CACUL1: variants seen among roughly 807,000 people sequenced by gnomAD.
CACUL1 encodes the protein CDK2 associated cullin domain 1.
Under a neutral mutation model 45.2 loss-of-function variants are expected in CACUL1, and 13 were observed. The observed-to-expected ratio is 0.29, with a 90% confidence interval of 0.19 to 0.46. The LOEUF (loss-of-function observed/expected upper bound fraction) is 0.46. Ranked by LOEUF, CACUL1 falls within the 20% of genes least tolerant of loss-of-function variation. The pLI, the probability that CACUL1 is intolerant of heterozygous loss-of-function variation, is 1.00. For missense variants in CACUL1, 421 were observed against 471.4 expected (o/e 0.89, Z 0.99); for synonymous variants, 197 against 174.2 (o/e 1.13, Z -1.03).
At chr10:118,686,517 A>T (rs1845207689) in intron 8 of CACUL1, 81 bp downstream of exon 8, 6 of 1,076,152 alleles carry the variant, frequency 5.6e-6, no homozygotes, top group Non-Finnish European at 8.7e-6. Context: ...CATCAAATTC[A>T]ATGCACTGTT....
At chr10:118,738,031 C>A (rs1845755414) in intron 1 of CACUL1, among the ~76,000 whole-genome samples, 2 of 152,198 alleles carry the variant, frequency 1.3e-5, no homozygotes, top group Admixed American at 6.5e-5. Flanking sequence ...ATGGTGTCTT[C>A]CAAGATTTAA....
At chr10:118,736,199 G>A (rs1845739192) in intron 1 of CACUL1, among the ~76,000 whole-genome samples, 1 of 152,056 alleles carries the variant, frequency 6.6e-6, no homozygotes, top group Non-Finnish European at 1.5e-5. Flanking sequence ...AGTATAAGAA[G>A]TAAAAGCCAT....
In CACUL1 at chr10:118,680,910, T is replaced by C. The variant is rs910589722; in HGVS notation, c.*5218A>G. On this transcript the variant is annotated 3_prime_UTR_variant, in exon 9 of 9. Transcript: ENST00000369151. ...AAGCAAAATCAAATATTCTATATTA[T>C]AACAAAGTTCCAGTGAACCAGGTAT... The C allele has an allele frequency of 1.3e-5, 2 of 152,218 alleles. No homozygotes were observed. The highest frequency in any genetic ancestry group is 2.1e-4 in the South Asian group (1 of 4,832). 9.4% of individuals were successfully genotyped at this position (152,218 alleles called of 1,614,324 possible).
chr10:118,729,254 A>C, intron 3 of CACUL1, 41 bp downstream of exon 3: 23 of 1,428,924 alleles, frequency 1.6e-5, no homozygotes, highest in East Asian at 2.3e-5. Flanking sequence ...ACCAGTCAGG[A>C]AAACCCAAGG....
At chr10:118,701,532 ACATC>A (rs1845380023) in intron 4 of CACUL1, 124 bp from the exon 5 acceptor site, 1 of 478,996 alleles carries the variant, frequency 2.1e-6, no homozygotes, top group South Asian at 4.3e-5. Context: ...GAAAAACTCA[ACATC>A]CAACAACAAA....
rs1390096008 is a variant in CACUL1, at chr10:118,754,451, G to T, written c.312C>A (p.Ala104=). The T allele has an allele frequency of 9.4e-6, 15 of 1,591,782 alleles. No individual in the cohort carries two copies. Among genetic ancestry groups the T allele is most frequent in the Non-Finnish European group, 1.3e-5 (15 of 1,170,038 alleles). ...TGGTGGAGCTGGCGGTGGGGGCGGG[G>T]GCCGCCTTGGCCACGGCGGCGGCCG... ...CDAAAAVAKA[A]PAPTASSTIN... Residue 104 remains alanine, a synonymous_variant, in exon 1 of 9, where the codon GCC becomes GCA. Coordinates refer to ENST00000369151, the MANE Select transcript of CACUL1 (RefSeq NM_153810.5).
intron 3 of CACUL1, among the ~76,000 whole-genome samples, chr10:118,712,960 C>T (rs1382047622): frequency 6.6e-6 from 1 of 152,226 alleles, no homozygotes; most frequent in East Asian, 1.9e-4. Flanking sequence ...AAGGTGGAGG[C>T]CTCACTGGGG....
chr10:118,754,596 T>A lies in CACUL1; in HGVS notation c.167A>T (p.Gln56Leu). The change falls in exon 1 of 9, where the codon CAG (glutamine) becomes CTG (leucine). Residue 56 changes from glutamine (Q) to leucine (L), a missense_variant. Transcript: ENST00000369151. ...PAPAREPPGG[Q>L]LLAVPAVSVD... is the part of the protein sequence containing the mutation. ...GGAGACCGCGGGCACCGCCAGCAGCTGCCCCCCCGGAGGCTCTCGGGCAGG... is the reference window on the plus strand; with the variant it reads ...GGAGACCGCGGGCACCGCCAGCAGCAGCCCCCCCGGAGGCTCTCGGGCAGG... 6.2e-7 allele frequency: 1 copy of A among 1,608,704 alleles called. No individual in the cohort carries two copies. Among genetic ancestry groups the A allele is most frequent in the Non-Finnish European group, 8.5e-7 (1 of 1,177,828 alleles).
rs149362224 is a variant in CACUL1, at chr10:118,688,531, C to T, written c.1026-1890G>A. Among the ~76,000 whole-genome samples the T allele has an allele frequency of 6.9e-3, 1,050 of 151,822 alleles. 9 individuals carry two copies. The highest frequency in any genetic ancestry group is 0.034 in the Middle Eastern group (10 of 294). ...CAACTGGAGGCAGGAAAAGGAGTAT[C>T]AATGTGATTTATGCAAGAGGCTGCT... On this transcript the variant is annotated intron_variant, in intron 7 of 8. Transcript: ENST00000369151.
At chr10:118,713,103 T>C (rs193093365) in intron 3 of CACUL1, among the ~76,000 whole-genome samples, 48 of 152,294 alleles carry the variant, frequency 3.2e-4, no homozygotes, top group African/African-American at 1.1e-3. Context: ...TTTCTGTGCT[T>C]GTCAGTGCCC....
Position 118,707,555 on chromosome 10 carries a change from A to G in CACUL1, c.630T>C (p.Phe210=). Residue 210 remains phenylalanine, a synonymous_variant, in exon 4 of 9, where the codon TTT becomes TTC. Coordinates refer to ENST00000369151, the MANE Select transcript of CACUL1 (RefSeq NM_153810.5). The part of the protein sequence containing the change: ...ASPPDLYIER[F]NIALGQYMGA... The stretch of plus-strand genomic sequence containing the variant: ...CCATATATTGTCCAAGAGCTATATT[A>G]AATCTTTCAATATAGAGATCTGGAG... 6.3e-7 allele frequency: 1 copy of G among 1,578,080 alleles called. No individual in the cohort carries two copies. The highest frequency in any genetic ancestry group is 8.7e-7 in the Non-Finnish European group (1 of 1,147,820).
intron 1 of CACUL1, among the ~76,000 whole-genome samples, chr10:118,751,946 A>G (rs1228439084): frequency 1.3e-5 from 2 of 152,146 alleles, no homozygotes; most frequent in Non-Finnish European, 2.9e-5. Flanking sequence ...CTATTATTAC[A>G]TATAGTATTT....
chr10:118,739,866 T>C (rs1323288983), intron 1 of CACUL1, among the ~76,000 whole-genome samples: 1 of 152,240 alleles, frequency 6.6e-6, no homozygotes, highest in Non-Finnish European at 1.5e-5. Context: ...TATGTTTGGC[T>C]GGGTGCGGTG....
intron 1 of CACUL1, among the ~76,000 whole-genome samples, chr10:118,737,046 CA>C (rs1845747101): frequency 6.8e-6 from 1 of 146,910 alleles, no homozygotes; most frequent in South Asian, 2.1e-4. Context: ...AATCGCCTAA[CA>C]AAACAATTCT....
intron 1 of CACUL1, among the ~76,000 whole-genome samples, chr10:118,736,391 T>C (rs1845741454): frequency 1.3e-5 from 2 of 150,008 alleles, no homozygotes; most frequent in African/African-American, 4.9e-5. Context: ...TATTTATAAT[T>C]TTTTTTTTTT....
At chr10:118,695,988 G>A (rs1241814524) in intron 5 of CACUL1, among the ~76,000 whole-genome samples, 2 of 152,132 alleles carry the variant, frequency 1.3e-5, no homozygotes, top group Non-Finnish European at 2.9e-5. Flanking sequence ...AACTTAGTAG[G>A]ATTTTACCCT....
intron 5 of CACUL1, among the ~76,000 whole-genome samples, chr10:118,700,716 C>CAAAAAAA (rs59032746): frequency 7.2e-4 from 96 of 132,862 alleles, no homozygotes; most frequent in African/African-American, 1.6e-3. Flanking sequence ...GACTCCGTCT[C>CAAAAAAA]AAAAAAAAAA....
chr10:118,697,834 G>A (rs1652910327), intron 5 of CACUL1, among the ~76,000 whole-genome samples: 1 of 152,156 alleles, frequency 6.6e-6, no homozygotes, highest in Admixed American at 6.5e-5. Context: ...CTACACATTT[G>A]TTACATTTGC....
intron 1 of CACUL1, among the ~76,000 whole-genome samples, chr10:118,746,644 G>A (rs148689517): frequency 5.9e-5 from 9 of 152,062 alleles, no homozygotes; most frequent in East Asian, 5.8e-4. Flanking sequence ...AGAAGACACC[G>A]TTAAGAAAAA....
Sources: allele counts gnomAD v4.1 joint callset (sites outside exome capture counted in the v4.1 genomes callset), GRCh38; gene constraint gnomAD v4.1.1; transcripts MANE v1.5; gene names NCBI Gene and HGNC (gene_info 2026-07-23, HGNC 2026-07-21).